Variants in ARL15 observed in about 807,000 individuals in gnomAD.
The protein encoded by ARL15 is ADP-ribosylation factor-like protein 15.
A neutral mutation model predicts 25.2 loss-of-function variants in ARL15; 19 were observed. The observed-to-expected ratio is 0.75, with a 90% CI of 0.53 to 1.10. The LOEUF is 1.10. ARL15 is among the 50% of genes least tolerant of loss of function. The pLI, the probability that ARL15 is intolerant of heterozygous loss-of-function variation, is 0.00. For synonymous variants in ARL15, 94 were observed against 86.8 expected, an observed-to-expected ratio of 1.08 and a Z score of -0.46; for missense variants, 220 against 246.0, an observed-to-expected ratio of 0.89 and a Z score of 0.71.
At chr5:53,938,757 T>C (rs777544724) in intron 4 of ARL15, among the ~76,000 whole-genome samples, 46 of 152,158 alleles carry the variant, frequency 3.0e-4, no homozygotes, top group Non-Finnish European at 5.6e-4. Context: ...GGTAGGAGAA[T>C]CGCTTGAACC....
chr5:54,007,872 C>A (rs1287822846), intron 4 of ARL15, among the ~76,000 whole-genome samples: 1 of 152,106 alleles, frequency 6.6e-6, no homozygotes, highest in Admixed American at 6.5e-5. Context: ...TCTTGTCTGC[C>A]TTCACCATTT....
At chr5:54,010,162 G>A (rs1749185355) in intron 4 of ARL15, among the ~76,000 whole-genome samples, 1 of 152,098 alleles carries the variant, frequency 6.6e-6, no homozygotes, top group African/African-American at 2.4e-5. Flanking sequence ...CTTCCTGAAG[G>A]GCAGGCTCAA....
At chr5:54,180,282 G>A (rs958786445) in intron 1 of ARL15, among the ~76,000 whole-genome samples, 4 of 152,080 alleles carry the variant, frequency 2.6e-5, no homozygotes, top group Non-Finnish European at 5.9e-5. Flanking sequence ...GAAGGAGAAG[G>A]TCTATAATGA....
chr5:54,291,261 G>A (rs983739434), intron 1 of ARL15, among the ~76,000 whole-genome samples: 2 of 152,172 alleles, frequency 1.3e-5, no homozygotes, highest in Non-Finnish European at 1.5e-5. Context: ...AAAGAGAACA[G>A]ATAATCCTTG....
intron 1 of ARL15, among the ~76,000 whole-genome samples, chr5:54,293,999 G>C (rs1466423338): frequency 6.6e-6 from 1 of 152,074 alleles, no homozygotes; most frequent in African/African-American, 2.4e-5. Flanking sequence ...GCTAATTTTT[G>C]TATTTTAGTT....
chr5:53,959,344 A>C (rs968161320), intron 4 of ARL15, among the ~76,000 whole-genome samples: 1 of 152,234 alleles, frequency 6.6e-6, no homozygotes, highest in African/African-American at 2.4e-5. Flanking sequence ...AGGAGAAATG[A>C]GCAAAAATCC....
chr5:53,984,696 A>G (rs888124980), intron 4 of ARL15, among the ~76,000 whole-genome samples: 4 of 152,234 alleles, frequency 2.6e-5, no homozygotes, highest in Admixed American at 2.6e-4. Flanking sequence ...TATTTTACTT[A>G]CCATCTATTT....
chr5:54,165,921 A>G (rs1447156164), intron 2 of ARL15, among the ~76,000 whole-genome samples: 1 of 152,002 alleles, frequency 6.6e-6, no homozygotes, highest in Non-Finnish European at 1.5e-5. Flanking sequence ...CCAGGGAGGC[A>G]AGTCTTTTAT....
intron 1 of ARL15, among the ~76,000 whole-genome samples, chr5:54,173,656 A>G (rs558031339): frequency 6.6e-6 from 1 of 152,176 alleles, no homozygotes; most frequent in South Asian, 2.1e-4. Flanking sequence ...ATATCCTCCC[A>G]CTAGTTCCAG....
chr5:53,951,253 A>C (rs1431601789), intron 4 of ARL15, among the ~76,000 whole-genome samples: 1 of 152,194 alleles, frequency 6.6e-6, no homozygotes, highest in African/African-American at 2.4e-5. Context: ...CCCTTTAGAG[A>C]AAAGGTTTGC....
At chr5:54,292,105 C>G (rs1758350227) in intron 1 of ARL15, among the ~76,000 whole-genome samples, 1 of 152,150 alleles carries the variant, frequency 6.6e-6, no homozygotes, top group Non-Finnish European at 1.5e-5. Flanking sequence ...CTACTTTTGT[C>G]CCCAGGGACT....
At chr5:53,964,646 C>T (rs1747490357) in intron 4 of ARL15, among the ~76,000 whole-genome samples, 1 of 152,222 alleles carries the variant, frequency 6.6e-6, no homozygotes, top group Non-Finnish European at 1.5e-5. Context: ...AGGCGTGAGC[C>T]ACCGCACCTG....
At chr5:54,030,275 C>T (rs1749936172) in intron 4 of ARL15, among the ~76,000 whole-genome samples, 2 of 152,146 alleles carry the variant, frequency 1.3e-5, no homozygotes, top group South Asian at 2.1e-4. Flanking sequence ...CACATAAGGG[C>T]TTCAACACAG....
intron 1 of ARL15, among the ~76,000 whole-genome samples, chr5:54,244,807 A>G (rs1189410045): frequency 6.6e-6 from 1 of 152,106 alleles, no homozygotes; most frequent in Non-Finnish European, 1.5e-5. Flanking sequence ...CATAAAAAAA[A>G]AAAACATCAG....
chr5:53,966,381 T>C (rs1454607546), intron 4 of ARL15, among the ~76,000 whole-genome samples: 1 of 152,176 alleles, frequency 6.6e-6, no homozygotes, highest in East Asian at 1.9e-4. Context: ...TCCGTATCCT[T>C]TGTAATGTCC....
intron 1 of ARL15, among the ~76,000 whole-genome samples, chr5:54,249,958 G>A (rs1027463686): frequency 6.6e-6 from 1 of 152,168 alleles, no homozygotes; most frequent in African/African-American, 2.4e-5. Flanking sequence ...GGGTGTGTCA[G>A]ACCATTTTTG....
chr5:54,160,196 T>G (rs1754361401), intron 2 of ARL15, among the ~76,000 whole-genome samples: 1 of 152,188 alleles, frequency 6.6e-6, no homozygotes, highest in Non-Finnish European at 1.5e-5. Context: ...TTCAACATCA[T>G]AAAAGGAAAT....
intron 4 of ARL15, among the ~76,000 whole-genome samples, chr5:54,091,685 A>G (rs1752132578): frequency 6.6e-6 from 1 of 152,102 alleles, no homozygotes; most frequent in African/African-American, 2.4e-5. Flanking sequence ...TTGTGCCACT[A>G]AGAACAAGGG....
chr5:54,165,029 G>T (rs71620000), intron 2 of ARL15, among the ~76,000 whole-genome samples: 7,222 of 151,016 alleles, frequency 0.048, 244 homozygotes, highest in East Asian at 0.14. Flanking sequence ...CCTTTGTTTT[G>T]TTATTTTATT....
Sources: gnomAD v4.1 joint callset for allele counts (sites outside exome capture counted in the v4.1 genomes callset) on GRCh38, gnomAD v4.1.1 for gene constraint, MANE v1.5 for transcripts, NCBI Gene and HGNC (gene_info 2026-07-23, HGNC 2026-07-21) for gene names.